Variants in NTNG1 observed in about 807,000 individuals in gnomAD.
NTNG1 encodes netrin-G1.
In NTNG1, 16 loss-of-function variants were observed where a neutral mutation model predicts 54.0. That is an observed-to-expected ratio of 0.30 (90% confidence interval 0.20 to 0.45). The LOEUF is 0.45. Ranked by LOEUF, NTNG1 falls within the 20% of genes least tolerant of loss-of-function variation. The pLI, the probability that NTNG1 is intolerant of heterozygous loss-of-function variation, is 1.00. For missense variants in NTNG1, 530 were observed against 678.7 expected (o/e 0.78, Z 2.43); for synonymous variants, 255 against 263.1 (o/e 0.97, Z 0.30).
intron 4 of NTNG1, 147 bp downstream of exon 4, chr1:107,395,473 C>A (rs1351025504): frequency 2.5e-6 from 2 of 792,338 alleles, no homozygotes; most frequent in Non-Finnish European, 4.5e-6. Flanking sequence ...CCCTATCTTA[C>A]CTCATGTAGA....
chr1:107,477,958 A>C (rs895069576), intron 7 of NTNG1, among the ~76,000 whole-genome samples: 1 of 152,220 alleles, frequency 6.6e-6, no homozygotes, highest in African/African-American at 2.4e-5. Context: ...TTTAAACTTC[A>C]TAAGAGCAGA....
intron 2 of NTNG1, among the ~76,000 whole-genome samples, chr1:107,312,120 G>A (rs1025073475): frequency 6.6e-6 from 1 of 152,086 alleles, no homozygotes; most frequent in African/African-American, 2.4e-5. Flanking sequence ...ACTATATGGC[G>A]GGAGATAATT....
At position 107,484,437 on chromosome 1, in the gene NTNG1, G is replaced by T. The variant is rs1248590648; in HGVS notation, c.*3597G>T. Among the ~76,000 whole-genome samples, 1 of 152,206 alleles carries T rather than the reference G, an allele frequency of 6.6e-6. No homozygotes were observed. Among genetic ancestry groups the T allele is most frequent in the Non-Finnish European group, 1.5e-5 (1 of 68,048 alleles). The stretch of plus-strand genomic sequence containing the variant: ...TAATTTAACAGTTTGTTAGCTTTAT[G>T]TATGACTTTTAAATACTTAGACATG... On this transcript the variant is annotated 3_prime_UTR_variant, in exon 8 of 8. Coordinates refer to ENST00000370068, the MANE Select transcript of NTNG1 (RefSeq NM_001113226.3).
At chr1:107,267,489 C>T (rs559879402) in intron 2 of NTNG1, among the ~76,000 whole-genome samples, 131 of 152,198 alleles carry the variant, frequency 8.6e-4, no homozygotes, top group African/African-American at 2.8e-3. Flanking sequence ...TAGCTTGTCC[C>T]GTACCCTCAT....
chr1:107,433,250 T>G (rs1675384444), intron 6 of NTNG1, among the ~76,000 whole-genome samples: 1 of 152,168 alleles, frequency 6.6e-6, no homozygotes, highest in South Asian at 2.1e-4. Context: ...ACTATTAAAG[T>G]TAGCTACATT....
At chr1:107,418,679 TC>T in intron 5 of NTNG1, 1 of 1,444,480 alleles carries the variant, frequency 6.9e-7, no homozygotes, top group Non-Finnish European at 9.5e-7. Flanking sequence ...GGACATAAAA[TC>T]CCACATGTTT....
At chr1:107,336,735 G>T (rs1668602985) in intron 3 of NTNG1, among the ~76,000 whole-genome samples, 2 of 151,962 alleles carry the variant, frequency 1.3e-5, no homozygotes, top group South Asian at 4.2e-4. Context: ...TTTGATAAGG[G>T]ACTTTTATCC....
intron 2 of NTNG1, among the ~76,000 whole-genome samples, chr1:107,319,941 A>G (rs764633898): frequency 1.3e-4 from 20 of 151,552 alleles, no homozygotes; most frequent in Non-Finnish European, 2.5e-4. Context: ...TCAAAGTGTC[A>G]CTTTGCCAGA....
At chr1:107,206,938 A>G (rs957536738) in intron 2 of NTNG1, among the ~76,000 whole-genome samples, 2 of 152,160 alleles carry the variant, frequency 1.3e-5, no homozygotes, top group African/African-American at 4.8e-5. Context: ...GAAGAAGCTG[A>G]TGTATAGTAC....
At chr1:107,215,831 GT>G (rs372421602) in intron 2 of NTNG1, among the ~76,000 whole-genome samples, 10 of 147,662 alleles carry the variant, frequency 6.8e-5, no homozygotes, top group East Asian at 4.0e-4. Flanking sequence ...GGTTTTGTAG[GT>G]TTTTTTTTTG....
chr1:107,330,451 G>T (rs370926072), intron 3 of NTNG1, among the ~76,000 whole-genome samples: 15 of 152,108 alleles, frequency 9.9e-5, no homozygotes, highest in African/African-American at 2.7e-4. Flanking sequence ...ATCCAGAAAA[G>T]CTCTCCATAT....
intron 2 of NTNG1, among the ~76,000 whole-genome samples, chr1:107,302,214 G>C (rs116551345): frequency 0.023 from 3,570 of 152,182 alleles, 146 homozygotes; most frequent in African/African-American, 0.082. Context: ...AAACTTGCTA[G>C]CATAGCTTCA....
At chr1:107,402,724 A>C (rs1261721915) in intron 4 of NTNG1, among the ~76,000 whole-genome samples, 1 of 152,158 alleles carries the variant, frequency 6.6e-6, no homozygotes, top group Non-Finnish European at 1.5e-5. Context: ...CATTGGAAGT[A>C]ATTCCTCTGC....
intron 2 of NTNG1, among the ~76,000 whole-genome samples, chr1:107,245,770 C>T (rs1044975365): frequency 6.6e-6 from 1 of 152,100 alleles, no homozygotes; most frequent in Non-Finnish European, 1.5e-5. Context: ...GTATTATCAC[C>T]CATGCGCTTT....
intron 7 of NTNG1, among the ~76,000 whole-genome samples, chr1:107,477,183 T>C (rs1227561401): frequency 6.6e-6 from 1 of 152,214 alleles, no homozygotes; most frequent in Non-Finnish European, 1.5e-5. Flanking sequence ...CTGCTGCAGC[T>C]GCCTCTGAAA....
intron 2 of NTNG1, among the ~76,000 whole-genome samples, chr1:107,205,241 T>G (rs969199382): frequency 6.6e-6 from 1 of 152,162 alleles, no homozygotes; most frequent in Non-Finnish European, 1.5e-5. Flanking sequence ...AGTTTATAGC[T>G]TCAGAGACTT....
At chr1:107,178,093 T>A (rs1291449807) in intron 2 of NTNG1, among the ~76,000 whole-genome samples, 1 of 152,194 alleles carries the variant, frequency 6.6e-6, no homozygotes, top group Non-Finnish European at 1.5e-5. Context: ...CAAATGCAAC[T>A]AAGTCTTATG....
intron 1 of NTNG1, among the ~76,000 whole-genome samples, chr1:107,146,111 A>C (rs1300236034): frequency 6.6e-6 from 1 of 152,090 alleles, no homozygotes; most frequent in Non-Finnish European, 1.5e-5. Context: ...AATATATTTA[A>C]AGTGGTATTT....
chr1:107,422,792 T>A (rs1674656216), intron 5 of NTNG1, among the ~76,000 whole-genome samples: 1 of 152,126 alleles, frequency 6.6e-6, no homozygotes, highest in South Asian at 2.1e-4. Flanking sequence ...TGAATTAGCT[T>A]TCCTCATTTG....
Sources: allele counts gnomAD v4.1 joint callset (sites outside exome capture counted in the v4.1 genomes callset), GRCh38; gene constraint gnomAD v4.1.1; transcripts MANE v1.5; gene names NCBI Gene and HGNC (gene_info 2026-07-23, HGNC 2026-07-21).